The following FREM3 variants were observed in gnomAD, a reference collection of about 807,000 sequenced individuals.
FREM3 encodes FRAS1-related extracellular matrix protein 3.
Under a neutral mutation model 129.1 loss-of-function variants are expected in FREM3, and 105 were observed. The observed-to-expected ratio is 0.81, with a 90% CI of 0.69 to 0.96. The LOEUF (loss-of-function observed/expected upper bound fraction) is 0.96, where lower values mean the gene tolerates loss of function less well. Among genes scored for constraint, FREM3 ranks in the 40% least tolerant of loss-of-function variants. The pLI, the probability that FREM3 is intolerant of heterozygous loss-of-function variation, is 0.00. For synonymous variants in FREM3, 1,014 were observed against 1,044.9 expected (o/e 0.97, Z 0.57); for missense variants, 2,593 against 2,666.3 (o/e 0.97, Z 0.61).
At chr4:143,675,742 A>G (rs1366249996) in intron 2 of FREM3, among the ~76,000 whole-genome samples, 1 of 152,232 alleles carries the variant, frequency 6.6e-6, no homozygotes, top group East Asian at 1.9e-4. Context: ...ACAAACTACC[A>G]TCAGAGAATA....
At chr4:143,659,972 C>G (rs1438431962) in intron 2 of FREM3, among the ~76,000 whole-genome samples, 36 of 150,376 alleles carry the variant, frequency 2.4e-4, no homozygotes, top group Admixed American at 2.2e-3. Context: ...ATTGTAGATT[C>G]TGGATATTAG....
intron 7 of FREM3, among the ~76,000 whole-genome samples, chr4:143,582,179 G>A (rs1738158952): frequency 6.6e-6 from 1 of 152,206 alleles, no homozygotes; most frequent in Non-Finnish European, 1.5e-5. Flanking sequence ...TGGAGAGGGA[G>A]TGTAAAGCCT....
At chr4:143,581,627 A>G (rs1738144269) in intron 7 of FREM3, among the ~76,000 whole-genome samples, 1 of 151,928 alleles carries the variant, frequency 6.6e-6, no homozygotes. Context: ...CTGGGGAAGG[A>G]ACAAAGAGTC....
chr4:143,591,339 G>C (rs1317343525), intron 6 of FREM3, among the ~76,000 whole-genome samples: 14 of 152,006 alleles, frequency 9.2e-5, no homozygotes, highest in Non-Finnish European at 1.3e-4. Flanking sequence ...GTTAGGGTGT[G>C]AATTTTAGAT....
chr4:143,665,343 A>G (rs1181173061), intron 2 of FREM3, among the ~76,000 whole-genome samples: 1 of 152,116 alleles, frequency 6.6e-6, no homozygotes, highest in African/African-American at 2.4e-5. Flanking sequence ...CTCTTACCAT[A>G]GCATTTACCC....
chr4:143,695,795 G>A lies in FREM3; in HGVS notation c.4881C>T (p.Gly1627=). 3.3e-6 allele frequency: 5 copies of A among 1,537,310 alleles called. No homozygotes were observed. The highest frequency in any genetic ancestry group is 4.4e-6 in the Non-Finnish European group (5 of 1,146,930). The part of the protein sequence containing the change: ...EDSFSLTVTD[G]THTDFYVLPD... ...GTAGGACATAGAAATCAGTGTGAGT[G>A]CCGTCTGTCACAGTCAAGGAGAAAC... Residue 1627 remains glycine (G), a synonymous_variant, in exon 1 of 8, where the codon GGC becomes GGT. Coordinates refer to ENST00000329798, the MANE Select transcript of FREM3 (RefSeq NM_001168235.2).
intron 2 of FREM3, among the ~76,000 whole-genome samples, chr4:143,672,728 C>G (rs1740022310): frequency 6.6e-6 from 1 of 152,206 alleles, no homozygotes; most frequent in Admixed American, 6.5e-5. Context: ...TTCAGGTACA[C>G]CAATCAGACA....
chr4:143,591,659 A>G lies in FREM3; in HGVS notation c.6029-5666T>C, dbSNP rs528739592. On this transcript the variant is annotated intron_variant, in intron 6 of 7. Coordinates refer to ENST00000329798, the MANE Select transcript of FREM3 (RefSeq NM_001168235.2). ...TTTTCTGAGGAGAGCTTTACTTCCA[A>G]CTATGTGGTCAGTTTTGGAATAGGT... 2.0e-5 allele frequency among the ~76,000 whole-genome samples: 3 copies of G among 152,284 alleles called. No individual in the cohort carries two copies. In the East Asian group the frequency reaches 5.8e-4, roughly 29 times the overall value.
In FREM3 at chr4:143,699,022, G is replaced by A. The variant is rs777932849; in HGVS notation, c.1654C>T (p.Leu552Phe). The change falls in exon 1 of 8, where the codon CTC becomes TTC. Residue 552 changes from leucine (L) to phenylalanine (F), a missense_variant. Coordinates refer to ENST00000329798, the MANE Select transcript of FREM3 (RefSeq NM_001168235.2). The surrounding 1 kb of genome is among the most constrained non-coding windows in gnomAD (Gnocchi z 4.2). ...ACCACCTGCCCTTCAGTGAGTGAGAGTCCTGTGTTAGTATTGACCATTGGT... is the reference window on the plus strand; with the variant it reads ...ACCACCTGCCCTTCAGTGAGTGAGAATCCTGTGTTAGTATTGACCATTGGT... The part of the protein sequence containing the change: ...EPPMVNTNTG[L>F]SLTEGQVVQI... 8.5e-6 allele frequency: 13 copies of A among 1,537,232 alleles called. No individual in the cohort carries two copies. Among genetic ancestry groups the A allele is most frequent in the African/African-American group, 8.2e-5 (6 of 73,042 alleles).
Position 143,695,882 on chromosome 4 carries a change from C to G in FREM3, c.4794G>C (p.Lys1598Asn), listed in dbSNP as rs1439453043. The G allele has an allele frequency of 6.5e-7, 1 of 1,537,436 alleles. No individual in the cohort carries two copies. The highest frequency in any genetic ancestry group is 8.7e-7 in the Non-Finnish European group (1 of 1,147,004). Residue 1598 changes from lysine to asparagine, a missense_variant, in exon 1 of 8, where the codon AAG becomes AAC. This residue lies in a region of FREM3 where 2,276 missense variants were observed against 2,267.2 expected (regional missense o/e 1.00). Transcript: ENST00000329798. ...NGSRPVTTFT[K>N]QDLNKNLISY... is the part of the protein sequence containing the mutation. The stretch of plus-strand genomic sequence containing the variant: ...TAATCAGGTTCTTGTTCAGGTCTTG[C>G]TTGGTGAAAGTGGTCACGGGACGGC...
chr4:143,605,501 A>G (rs1355041068), intron 6 of FREM3, among the ~76,000 whole-genome samples: 1 of 152,056 alleles, frequency 6.6e-6, no homozygotes, highest in Non-Finnish European at 1.5e-5. Flanking sequence ...TCATTTTTGG[A>G]ATTTACTTAG....
At chr4:143,628,785 G>T (rs1739090361) in intron 2 of FREM3, among the ~76,000 whole-genome samples, 1 of 152,144 alleles carries the variant, frequency 6.6e-6, no homozygotes, top group African/African-American at 2.4e-5. Context: ...AGCCTACAGG[G>T]CTTCAGTGAA....
At chr4:143,633,213 G>A (rs1739171640) in intron 2 of FREM3, among the ~76,000 whole-genome samples, 1 of 152,134 alleles carries the variant, frequency 6.6e-6, no homozygotes, top group Non-Finnish European at 1.5e-5. Context: ...CTAGCTGCAT[G>A]TCCTGTCATT....
chr4:143,686,921 C>A (rs1740379568), intron 2 of FREM3, among the ~76,000 whole-genome samples: 1 of 151,930 alleles, frequency 6.6e-6, no homozygotes, highest in Non-Finnish European at 1.5e-5. Flanking sequence ...ACTGGAGAAA[C>A]AAGAACAAAC....
At chr4:143,675,049 A>T (rs1431642053) in intron 2 of FREM3, among the ~76,000 whole-genome samples, 1 of 152,234 alleles carries the variant, frequency 6.6e-6, no homozygotes, top group African/African-American at 2.4e-5. Context: ...CCTAATAGAC[A>T]TCTACAGAAC....
chr4:143,669,824 T>C (rs763347963), intron 2 of FREM3, among the ~76,000 whole-genome samples: 15 of 152,094 alleles, frequency 9.9e-5, no homozygotes, highest in Non-Finnish European at 1.8e-4. Flanking sequence ...CAACTTTTAT[T>C]TTAGACATAG....
At chr4:143,617,810 G>T (rs2149840558) in intron 5 of FREM3, among the ~76,000 whole-genome samples, 1 of 152,254 alleles carries the variant, frequency 6.6e-6, no homozygotes, top group African/African-American at 2.4e-5. Flanking sequence ...GTGCACTGGG[G>T]CTCTAGTTTG....
Position 143,611,352 on chromosome 4 carries a change from C to T in FREM3, c.5955G>A (p.Arg1985=), listed in dbSNP as rs1181479207. 6.5e-7 allele frequency: 1 copy of T among 1,537,102 alleles called. No homozygotes were observed. Among genetic ancestry groups the T allele is most frequent in the Non-Finnish European group, 8.7e-7 (1 of 1,146,830 alleles). ...EEEESFSVSL[R]LPVGGQLGAR... ...CTCCCAGCTGTCCTCCCACTGGCAGCCTAAGTGAAACGCTGAAGGATTCCT... is the reference window on the plus strand; with the variant it reads ...CTCCCAGCTGTCCTCCCACTGGCAGTCTAAGTGAAACGCTGAAGGATTCCT... The change falls in exon 6 of 8, where the codon AGG becomes AGA. Residue 1985 remains arginine (R), a synonymous_variant. Transcript: ENST00000329798.
At chr4:143,676,553 AG>A (rs1331659433) in intron 2 of FREM3, among the ~76,000 whole-genome samples, 49 of 152,316 alleles carry the variant, frequency 3.2e-4, no homozygotes, top group African/African-American at 1.2e-3. Context: ...GCAATCAGGC[AG>A]GAGAATGAAA....
Sources: allele counts gnomAD v4.1 joint callset (sites outside exome capture counted in the v4.1 genomes callset), GRCh38; gene constraint gnomAD v4.1.1; regional missense constraint gnomAD v4.1.1; non-coding constraint Gnocchi (gnomAD v3.1); transcripts MANE v1.5; gene names NCBI Gene and HGNC (gene_info 2026-07-23, HGNC 2026-07-21).